MYT1L: variants seen among roughly 807,000 people sequenced by gnomAD.
The protein encoded by MYT1L is myelin transcription factor 1-like protein.
A neutral mutation model predicts 126.7 loss-of-function variants in MYT1L; 12 were observed. The ratio of observed to expected loss-of-function variants is 0.09; its 90% CI spans 0.06 to 0.15. The LOEUF (loss-of-function observed/expected upper bound fraction) is 0.15. Ranked by LOEUF, MYT1L falls within the 10% of genes least tolerant of loss-of-function variation. The probability of loss-of-function intolerance (pLI) is 1.00; values close to 1 mark genes in which losing one functional copy is unlikely to be tolerated. For missense variants in MYT1L, 979 were observed against 1,585.2 expected (o/e 0.62, Z 6.49); for synonymous variants, 541 against 604.2 (o/e 0.90, Z 1.53).
chr2:1,962,261 C>T (rs563617176), intron 8 of MYT1L, among the ~76,000 whole-genome samples: 154 of 152,176 alleles, frequency 1.0e-3, no homozygotes, highest in Non-Finnish European at 1.7e-3. Context: ...GCACAAAAAT[C>T]AATTGTTGAG....
chr2:2,319,643 T>G (rs2096126461), intron 1 of MYT1L, among the ~76,000 whole-genome samples: 1 of 152,150 alleles, frequency 6.6e-6, no homozygotes, highest in African/African-American at 2.4e-5. Flanking sequence ...GAAAGGGGCC[T>G]CAGGCTTCAC....
chr2:2,151,012 G>A (rs1311022174), intron 3 of MYT1L, among the ~76,000 whole-genome samples: 1 of 152,090 alleles, frequency 6.6e-6, no homozygotes, highest in Non-Finnish European at 1.5e-5. Flanking sequence ...CAGTTAGGAT[G>A]TCAAAGTTTA....
chr2:1,878,624 T>C (rs1393405830), intron 18 of MYT1L, among the ~76,000 whole-genome samples: 6 of 152,184 alleles, frequency 3.9e-5, no homozygotes, highest in Non-Finnish European at 8.8e-5. Context: ...ATGCACTTCC[T>C]TAGCCACGGC....
chr2:1,911,948 C>T (rs1020165929), intron 12 of MYT1L, 72 bp downstream of exon 12: 14 of 1,214,638 alleles, frequency 1.2e-5, no homozygotes, highest in African/African-American at 4.5e-5. Flanking sequence ...GCGTGGTAGG[C>T]CCCCCAGGAA....
At chr2:1,825,101 G>A (rs1440205007) in intron 21 of MYT1L, 2 of 152,270 alleles carry the variant, frequency 1.3e-5, no homozygotes, top group Non-Finnish European at 2.9e-5. Context: ...TTTCCCCTGA[G>A]AGCAACATGG....
intron 2 of MYT1L, among the ~76,000 whole-genome samples, chr2:2,257,220 C>A (rs535779418): frequency 6.6e-6 from 1 of 152,240 alleles, no homozygotes; most frequent in South Asian, 2.1e-4. Flanking sequence ...CCTCTGGATA[C>A]CTCCTGTGGA....
chr2:2,000,861 C>G (rs866007864), intron 4 of MYT1L, among the ~76,000 whole-genome samples: 2 of 152,176 alleles, frequency 1.3e-5, no homozygotes, highest in Non-Finnish European at 2.9e-5. Context: ...TTATTCTATG[C>G]TATGCATGCG....
intron 4 of MYT1L, among the ~76,000 whole-genome samples, chr2:2,004,863 CGTTCTTTCCTGTAGGA>C (rs1486748352): frequency 2.0e-5 from 3 of 149,146 alleles, no homozygotes; most frequent in Non-Finnish European, 3.0e-5. Flanking sequence ...TTCCTGCATG[CGTTCTTTCCTGTAGGA>C]GTTCTTTCCT....
chr2:2,186,175 A>C (rs1200317917), intron 2 of MYT1L, among the ~76,000 whole-genome samples: 33 of 85,326 alleles, frequency 3.9e-4, no homozygotes, highest in South Asian at 7.9e-4. Context: ...CGCGTTCCTT[A>C]CGTGAGGGGG....
chr2:1,800,538 T>C (rs1255151140), intron 23 of MYT1L, among the ~76,000 whole-genome samples: 3 of 152,008 alleles, frequency 2.0e-5, no homozygotes, highest in Non-Finnish European at 4.4e-5. Flanking sequence ...TGGAAATCCC[T>C]TTCGGTTGCT....
chr2:2,006,735 C>A (rs1288706091), intron 4 of MYT1L, among the ~76,000 whole-genome samples: 1 of 152,012 alleles, frequency 6.6e-6, no homozygotes, highest in South Asian at 2.1e-4. Context: ...ATCACCATGC[C>A]CGGCTAATTT....
intron 2 of MYT1L, among the ~76,000 whole-genome samples, chr2:2,199,878 C>T (rs566816280): frequency 2.6e-5 from 4 of 152,270 alleles, no homozygotes; most frequent in African/African-American, 9.6e-5. Flanking sequence ...AGCACGGACA[C>T]CTCTGGGGAG....
intron 2 of MYT1L, among the ~76,000 whole-genome samples, chr2:2,261,109 TCCTC>T (rs950315413): frequency 6.6e-6 from 1 of 151,632 alleles, no homozygotes; most frequent in Non-Finnish European, 1.5e-5. Flanking sequence ...CTACCGCCCT[TCCTC>T]CCTGCTGGGG....
At chr2:1,967,039 G>C (rs2059419611) in intron 8 of MYT1L, among the ~76,000 whole-genome samples, 1 of 152,076 alleles carries the variant, frequency 6.6e-6, no homozygotes, top group Non-Finnish European at 1.5e-5. Flanking sequence ...ATAGTTTTGG[G>C]GGTACAAGTG....
intron 2 of MYT1L, among the ~76,000 whole-genome samples, chr2:2,229,842 T>C (rs1009306171): frequency 6.6e-6 from 1 of 152,218 alleles, no homozygotes; most frequent in African/African-American, 2.4e-5. Context: ...TCTGAACCAG[T>C]GTGCATCTGC....
At chr2:2,159,372 G>A (rs2087408837) in intron 3 of MYT1L, among the ~76,000 whole-genome samples, 1 of 152,128 alleles carries the variant, frequency 6.6e-6, no homozygotes, top group Non-Finnish European at 1.5e-5. Flanking sequence ...CACTGCAAAT[G>A]CGTGTTTTAA....
At chr2:1,804,900 A>G (rs1372922068) in intron 22 of MYT1L, among the ~76,000 whole-genome samples, 1 of 152,202 alleles carries the variant, frequency 6.6e-6, no homozygotes, top group Non-Finnish European at 1.5e-5. Context: ...CTGTGATAGT[A>G]AAAGGAAAGA....
At chr2:2,235,038 T>C (rs2094254123) in intron 2 of MYT1L, among the ~76,000 whole-genome samples, 1 of 152,224 alleles carries the variant, frequency 6.6e-6, no homozygotes. Flanking sequence ...GTCTCTTGTC[T>C]GCCTGCCAAT....
intron 22 of MYT1L, among the ~76,000 whole-genome samples, chr2:1,805,803 T>C (rs2035607400): frequency 6.6e-6 from 1 of 152,184 alleles, no homozygotes; most frequent in African/African-American, 2.4e-5. Context: ...GGAGGATCGC[T>C]TGACCCTGGG....
Sources: allele counts gnomAD v4.1 joint callset (sites outside exome capture counted in the v4.1 genomes callset), GRCh38; gene constraint gnomAD v4.1.1; transcripts MANE v1.5; gene names NCBI Gene and HGNC (gene_info 2026-07-23, HGNC 2026-07-21).